The following RSBN1 variants were observed in gnomAD, a reference collection of about 807,000 sequenced individuals.
RSBN1 encodes the protein lysine-specific demethylase 9.
Under a neutral mutation model 74.8 loss-of-function variants are expected in RSBN1, and 23 were observed. That is an observed-to-expected ratio of 0.31 (90% CI 0.22 to 0.44). RSBN1 has a LOEUF of 0.44. RSBN1 is among the 20% of genes least tolerant of loss of function. RSBN1 has a pLI of 1.00. For synonymous variants in RSBN1, 407 were observed against 379.6 expected (o/e 1.07, Z -0.84); for missense variants, 808 against 1,020.9 (o/e 0.79, Z 2.84).
chr1:113,792,427 A>G (rs1293757310), intron 2 of RSBN1, among the ~76,000 whole-genome samples: 1 of 152,212 alleles, frequency 6.6e-6, no homozygotes, highest in Non-Finnish European at 1.5e-5. Context: ...ACTATAAGCA[A>G]AGCTAGTGCT....
intron 1 of RSBN1, among the ~76,000 whole-genome samples, chr1:113,808,354 G>C (rs1660757701): frequency 6.6e-6 from 1 of 151,972 alleles, no homozygotes; most frequent in Non-Finnish European, 1.5e-5. Flanking sequence ...TTAGGGAACA[G>C]TGACAAGAAA....
Position 113,764,007 on chromosome 1 carries a change from T to G in RSBN1, c.*1973A>C, listed in dbSNP as rs946139977. On this transcript the variant is annotated 3_prime_UTR_variant, in exon 7 of 7. Coordinates refer to ENST00000261441, the MANE Select transcript of RSBN1 (RefSeq NM_018364.5). ...ATTATTTTTAAAAGCAAATGTTGCC[T>G]GAGAAGAATTTTACTTTGCACAGCC... 6.6e-6 allele frequency: 1 copy of G among 152,344 alleles called. No individual in the cohort carries two copies. The highest frequency in any genetic ancestry group is 1.5e-5 in the Non-Finnish European group (1 of 68,034). The allele number at this position is 152,344 out of a possible 1,614,324, so 9.4% of individuals were successfully genotyped here. A position where few individuals can be genotyped will look rare whatever the true frequency, so the allele number is the denominator to read the frequency against.
chr1:113,769,311 G>A (rs1191974773), intron 4 of RSBN1, among the ~76,000 whole-genome samples: 3 of 152,154 alleles, frequency 2.0e-5, no homozygotes, highest in Non-Finnish European at 2.9e-5. Flanking sequence ...GTACTGACTT[G>A]CCATGTGCAT....
chr1:113,812,383 G>A lies in RSBN1; in HGVS notation c.30C>T (p.Asp10=). ...GGAGTCTCTCCTCCGCCCTCCACTT[G>A]TCGGCCGTTCTTCGTCCAGAGATGA... MFISGRRTA[D]KWRAEERLQC... Residue 10 remains aspartate (D), a synonymous_variant, in exon 1 of 7, where the codon GAC becomes GAT. Transcript: ENST00000261441. The A allele has an allele frequency of 6.2e-7, 1 of 1,601,780 alleles. No individual in the cohort carries two copies. Among genetic ancestry groups the A allele is most frequent in the Non-Finnish European group, 8.5e-7 (1 of 1,179,022 alleles).
In RSBN1 at chr1:113,811,731, G is replaced by C; in HGVS notation, c.682C>G (p.Leu228Val). ...TCACCTCTCTTGGGGGCTTTGATCAGAGGCACCCCTCCAGTCCTCTCGCCG... is the reference window on the plus strand; with the variant it reads ...TCACCTCTCTTGGGGGCTTTGATCACAGGCACCCCTCCAGTCCTCTCGCCG... ...ENGERTGGVP[L>V]IKAPKRETPD... Residue 228 changes from leucine (L) to valine (V), a missense_variant, in exon 1 of 7, where the codon CTG becomes GTG. Coordinates refer to ENST00000261441, the MANE Select transcript of RSBN1 (RefSeq NM_018364.5). 6.2e-7 allele frequency: 1 copy of C among 1,604,666 alleles called. No individual in the cohort carries two copies.
intron 4 of RSBN1, among the ~76,000 whole-genome samples, chr1:113,769,901 T>C (rs997674395): frequency 9.9e-5 from 15 of 152,274 alleles, no homozygotes; most frequent in African/African-American, 2.2e-4. Context: ...TCCCTGCAGG[T>C]AGAAATGTAG....
intron 1 of RSBN1, among the ~76,000 whole-genome samples, chr1:113,810,515 TCTA>T (rs1660808736): frequency 6.6e-6 from 1 of 152,152 alleles, no homozygotes; most frequent in African/African-American, 2.4e-5. Flanking sequence ...TGCCACAAGT[TCTA>T]CTCCCAAGAT....
chr1:113,767,407 A>C (rs1425613288), intron 5 of RSBN1, among the ~76,000 whole-genome samples, 200 bp from the exon 6 acceptor site: 4 of 152,196 alleles, frequency 2.6e-5, no homozygotes, highest in Non-Finnish European at 4.4e-5. Context: ...TTGCTGTTGT[A>C]AAATTAAAAC....
chr1:113,803,871 G>A (rs967827570), intron 1 of RSBN1, among the ~76,000 whole-genome samples: 24 of 151,276 alleles, frequency 1.6e-4, no homozygotes, highest in African/African-American at 5.8e-4. Context: ...GGGAGACTGA[G>A]GCAGGAAGAC....
intron 2 of RSBN1, among the ~76,000 whole-genome samples, chr1:113,783,610 G>A (rs961367948): frequency 1.1e-4 from 16 of 152,136 alleles, no homozygotes; most frequent in South Asian, 4.1e-4. Flanking sequence ...AGCTAAATGC[G>A]GCCTGTGCCT....
intron 6 of RSBN1, 26 bp from the exon 7 acceptor site, chr1:113,766,479 G>T: frequency 7.0e-7 from 1 of 1,427,410 alleles, no homozygotes; most frequent in Non-Finnish European, 9.7e-7. Context: ...AGTTACGTGA[G>T]ACTTTAAAAT....
At chr1:113,786,500 T>A (rs1047473011) in intron 2 of RSBN1, among the ~76,000 whole-genome samples, 1 of 152,092 alleles carries the variant, frequency 6.6e-6, no homozygotes, top group Non-Finnish European at 1.5e-5. Context: ...GGCAAAGAGA[T>A]ATTTGAGAAG....
intron 4 of RSBN1, among the ~76,000 whole-genome samples, chr1:113,776,792 CAG>C (rs1387226144): frequency 8.4e-6 from 1 of 119,520 alleles, no homozygotes; most frequent in African/African-American, 3.4e-5. Context: ...CTCTGGGCAA[CAG>C]AGTGAGACCC....
Position 113,811,717 on chromosome 1 carries a change from G to C in RSBN1, c.696C>G (p.Pro232=), listed in dbSNP as rs770607911. The C allele has an allele frequency of 3.1e-6, 5 of 1,595,518 alleles. No individual in the cohort carries two copies. Residue 232 remains proline (P), a synonymous_variant, in exon 1 of 7, where the codon CCC becomes CCG. Coordinates refer to ENST00000261441, the MANE Select transcript of RSBN1 (RefSeq NM_018364.5). ...CAGTTTGCCTGCTCTCACCTCTCTT[G>C]GGGGCTTTGATCAGAGGCACCCCTC... ...RTGGVPLIKA[P]KRETPDENGK...
At position 113,797,882 on chromosome 1, in the gene RSBN1, G is replaced by T; in HGVS notation, c.858C>A (p.Thr286=). The T allele has an allele frequency of 6.2e-7, 1 of 1,613,400 alleles. No homozygotes were observed. The highest frequency in any genetic ancestry group is 1.3e-5 in the African/African-American group (1 of 74,806). Residue 286 remains threonine, a synonymous_variant, in exon 2 of 7, where the codon ACC becomes ACA. Coordinates refer to ENST00000261441, the MANE Select transcript of RSBN1 (RefSeq NM_018364.5). ...KEVQTVCAGL[T]RISKEILTQG... ...GGGTGAGAATTTCTTTACTGATGCG[G>T]GTCAGGCCAGCACAGACGGTTTGTA...
chr1:113,792,090 A>T (rs1314176565), intron 2 of RSBN1, among the ~76,000 whole-genome samples: 10 of 152,200 alleles, frequency 6.6e-5, no homozygotes, highest in Non-Finnish European at 1.5e-5. Context: ...TAAGAAATAA[A>T]ACTACCTAAA....
intron 4 of RSBN1, among the ~76,000 whole-genome samples, chr1:113,773,448 G>A (rs921828373): frequency 6.6e-6 from 1 of 151,924 alleles, no homozygotes; most frequent in Non-Finnish European, 1.5e-5. Flanking sequence ...ACTTGAACCC[G>A]GGAGGCAGAG....
chr1:113,768,610 G>C (rs528727581), intron 4 of RSBN1, among the ~76,000 whole-genome samples: 1 of 152,186 alleles, frequency 6.6e-6, no homozygotes, highest in East Asian at 1.9e-4. Context: ...TAATAAAGCT[G>C]AAAATATATC....
intron 1 of RSBN1, among the ~76,000 whole-genome samples, chr1:113,806,464 G>GA (rs1368731678): frequency 6.6e-6 from 1 of 151,584 alleles, no homozygotes; most frequent in Non-Finnish European, 1.5e-5. Flanking sequence ...TAGGCAAGAA[G>GA]AAAAAAAATG....
Sources: gnomAD v4.1 joint callset for allele counts (sites outside exome capture counted in the v4.1 genomes callset) on GRCh38, gnomAD v4.1.1 for gene constraint, MANE v1.5 for transcripts, NCBI Gene and HGNC (gene_info 2026-07-23, HGNC 2026-07-21) for gene names.